The following GREB1L variants were observed in gnomAD, a reference collection of about 807,000 sequenced individuals.
GREB1L encodes GREB1-like protein.
In GREB1L, 17 loss-of-function variants were observed where a neutral mutation model predicts 200.8. That is an observed-to-expected ratio of 0.08 (90% confidence interval 0.06 to 0.13). GREB1L has a LOEUF of 0.13. Ranked by LOEUF, GREB1L falls within the 10% of genes least tolerant of loss-of-function variation. The probability of loss-of-function intolerance (pLI) is 1.00; values close to 1 mark genes in which losing one functional copy is unlikely to be tolerated. For synonymous variants in GREB1L, 789 were observed against 893.0 expected, an observed-to-expected ratio of 0.88 and a Z score of 2.08; for missense variants, 1,657 against 2,367.7, an observed-to-expected ratio of 0.70 and a Z score of 6.23.
intron 15 of GREB1L, among the ~76,000 whole-genome samples, chr18:21,461,781 A>G (rs1202258791): frequency 1.3e-5 from 2 of 152,246 alleles, no homozygotes; most frequent in South Asian, 2.1e-4. Context: ...TTTACTATGC[A>G]TGAATATTTG....
chr18:21,365,009 T>C (rs1397125318), intron 1 of GREB1L, among the ~76,000 whole-genome samples: 1 of 152,142 alleles, frequency 6.6e-6, no homozygotes, highest in Non-Finnish European at 1.5e-5. Flanking sequence ...GTGGGATATA[T>C]GTGAGTTTGA....
intron 15 of GREB1L, among the ~76,000 whole-genome samples, chr18:21,466,703 C>T (rs2035274951): frequency 6.6e-6 from 1 of 152,164 alleles, no homozygotes; most frequent in African/African-American, 2.4e-5. Flanking sequence ...AGATTCAATG[C>T]ATCCCCTACC....
intron 1 of GREB1L, among the ~76,000 whole-genome samples, chr18:21,336,529 G>T (rs192407451): frequency 2.2e-4 from 33 of 152,254 alleles, no homozygotes; most frequent in African/African-American, 7.0e-4. Flanking sequence ...CCAGCTGCCC[G>T]CATACCTATT....
intron 1 of GREB1L, among the ~76,000 whole-genome samples, chr18:21,328,512 A>T (rs1277823674): frequency 6.6e-6 from 1 of 152,130 alleles, no homozygotes; most frequent in Non-Finnish European, 1.5e-5. Context: ...TCCAGCCCTC[A>T]TGTCACCCTG....
rs1205464053 is a variant in GREB1L at position 21,485,748 on chromosome 18, G to A, written c.2685G>A (p.Leu895=). The A allele has an allele frequency of 1.3e-6, 2 of 1,551,344 alleles. No homozygotes were observed. The highest frequency in any genetic ancestry group is 1.7e-6 in the Non-Finnish European group (2 of 1,146,892). The change falls in exon 18 of 33, where the codon TTG becomes TTA. Residue 895 remains leucine, a synonymous_variant. Transcript: ENST00000424526. ...ETFEKMVNTL[L]ERYPRLHSMV... ...TTGAAAAAATGGTGAACACACTCTTGGAGAGGTAAATAGTAAATAAGGCCT... is the reference window on the plus strand; with the variant it reads ...TTGAAAAAATGGTGAACACACTCTTAGAGAGGTAAATAGTAAATAAGGCCT...
At chr18:21,349,607 G>C (rs2039403989) in intron 1 of GREB1L, among the ~76,000 whole-genome samples, 1 of 152,118 alleles carries the variant, frequency 6.6e-6, no homozygotes, top group South Asian at 2.1e-4. Flanking sequence ...TGTCAGATCA[G>C]TGGCGGCATT....
At chr18:21,281,799 G>C (rs763966946) in intron 1 of GREB1L, among the ~76,000 whole-genome samples, 1 of 152,124 alleles carries the variant, frequency 6.6e-6, no homozygotes, top group Non-Finnish European at 1.5e-5. Context: ...CTGGATTGTG[G>C]TAATGGTTGC....
At chr18:21,466,404 C>T (rs765677275) in intron 15 of GREB1L, among the ~76,000 whole-genome samples, 6 of 151,846 alleles carry the variant, frequency 4.0e-5, no homozygotes, top group East Asian at 1.9e-4. Context: ...ATTTGGTATG[C>T]GCATACCTCC....
chr18:21,508,079 C>G (rs1598946962), intron 25 of GREB1L, 39 bp from the exon 26 acceptor site: 11 of 1,540,270 alleles, frequency 7.1e-6, no homozygotes, highest in African/African-American at 4.1e-5. Context: ...AAACTGTGGG[C>G]TTACTTACGT....
intron 1 of GREB1L, among the ~76,000 whole-genome samples, chr18:21,292,169 G>A (rs1400643223): frequency 1.3e-5 from 2 of 152,164 alleles, no homozygotes; most frequent in Non-Finnish European, 2.9e-5. Context: ...GGATTTACAT[G>A]GGAAGCCTTG....
chr18:21,315,627 G>C (rs2038855543), intron 1 of GREB1L, among the ~76,000 whole-genome samples: 1 of 152,078 alleles, frequency 6.6e-6, no homozygotes, highest in Non-Finnish European at 1.5e-5. Context: ...CCTCCTCCCA[G>C]CATTTTTGTG....
At chr18:21,451,531 A>G (rs1040103270) in intron 13 of GREB1L, among the ~76,000 whole-genome samples, 3 of 119,718 alleles carry the variant, frequency 2.5e-5, no homozygotes, top group Admixed American at 1.1e-4. Context: ...TCTATCGCCC[A>G]GGCTGGAGTG....
intron 4 of GREB1L, among the ~76,000 whole-genome samples, chr18:21,391,953 G>A (rs2040831053): frequency 6.6e-6 from 1 of 152,128 alleles, no homozygotes; most frequent in African/African-American, 2.4e-5. Context: ...GGGACTACAG[G>A]TCCATGCCAC....
intron 1 of GREB1L, among the ~76,000 whole-genome samples, chr18:21,249,895 C>T (rs1025474887): frequency 4.0e-5 from 6 of 150,794 alleles, no homozygotes; most frequent in African/African-American, 1.5e-4. Flanking sequence ...TATCTCTGTT[C>T]TCAGGAGAAT....
At chr18:21,436,672 GTGTGT>G (rs2033559504) in intron 7 of GREB1L, among the ~76,000 whole-genome samples, 1 of 52,232 alleles carries the variant, frequency 1.9e-5, no homozygotes, top group African/African-American at 5.1e-5. Context: ...GTTCAGTGGT[GTGTGT>G]GTGTGTGTGT....
chr18:21,271,107 C>G (rs1462422005), intron 1 of GREB1L, among the ~76,000 whole-genome samples: 1 of 152,078 alleles, frequency 6.6e-6, no homozygotes, highest in Admixed American at 6.6e-5. Context: ...GACACATGTT[C>G]TGTATTCAAT....
At chr18:21,344,003 G>A (rs1026694746) in intron 1 of GREB1L, among the ~76,000 whole-genome samples, 6 of 152,136 alleles carry the variant, frequency 3.9e-5, no homozygotes, top group Non-Finnish European at 8.8e-5. Flanking sequence ...TTGAACTCCT[G>A]ACCTCAAGCA....
Position 21,268,520 on chromosome 18 carries a change from T to C in GREB1L, c.-120+26127T>C, listed in dbSNP as rs1234412566. ...ATATACATATATATATGTATATATA[T>C]ATACACACACACACACACACACACA... On this transcript the variant is annotated intron_variant, in intron 1 of 32. Coordinates refer to ENST00000424526, the MANE Select transcript of GREB1L (RefSeq NM_001142966.3). Among the ~76,000 whole-genome samples the C allele has an allele frequency of 6.5e-3, 488 of 74,988 alleles. 1 individual carries two copies. The highest frequency in any genetic ancestry group is 0.018 in the East Asian group (44 of 2,476). 49.2% of individuals were successfully genotyped at this position (74,988 alleles called of 152,430 possible).
intron 1 of GREB1L, among the ~76,000 whole-genome samples, chr18:21,340,277 G>A (rs568299327): frequency 6.6e-6 from 1 of 152,022 alleles, no homozygotes; most frequent in Non-Finnish European, 1.5e-5. Context: ...AAAATTAGCC[G>A]GGCATGGTGG....
Sources: gnomAD v4.1 joint callset for allele counts (sites outside exome capture counted in the v4.1 genomes callset) on GRCh38, gnomAD v4.1.1 for gene constraint, MANE v1.5 for transcripts, NCBI Gene and HGNC (gene_info 2026-07-23, HGNC 2026-07-21) for gene names.